SAMD12: variants seen among roughly 807,000 people sequenced by gnomAD.
The protein encoded by SAMD12 is sterile alpha motif domain containing 12.
Under a neutral mutation model 15.0 loss-of-function variants are expected in SAMD12, and 9 were observed. The observed-to-expected ratio is 0.60, with a 90% CI of 0.36 to 1.05. The LOEUF (loss-of-function observed/expected upper bound fraction) is 1.05, where lower values mean the gene tolerates loss of function less well. SAMD12 is among the 50% of genes least tolerant of loss of function. The pLI, the probability that SAMD12 is intolerant of heterozygous loss-of-function variation, is 0.01. For missense variants in SAMD12, 230 were observed against 234.2 expected, an observed-to-expected ratio of 0.98 and a Z score of 0.12; for synonymous variants, 86 against 90.1, an observed-to-expected ratio of 0.96 and a Z score of 0.25.
At chr8:118,484,150 T>C (rs112152608) in intron 2 of SAMD12, among the ~76,000 whole-genome samples, 9 of 152,272 alleles carry the variant, frequency 5.9e-5, no homozygotes, top group African/African-American at 1.9e-4. Context: ...GAGACATCAA[T>C]GAAGTCAATT....
At chr8:118,208,047 C>CG (rs1819914854) in intron 4 of SAMD12, among the ~76,000 whole-genome samples, 1 of 151,740 alleles carries the variant, frequency 6.6e-6, no homozygotes, top group South Asian at 2.1e-4. Flanking sequence ...CACCTGAGGT[C>CG]GGGAGTTCGA....
At chr8:118,442,544 T>G (rs1822794370) in intron 2 of SAMD12, among the ~76,000 whole-genome samples, 1 of 152,236 alleles carries the variant, frequency 6.6e-6, no homozygotes, top group Admixed American at 6.5e-5. Flanking sequence ...ATAAATGTTT[T>G]TATTGTTGAT....
intron 2 of SAMD12, among the ~76,000 whole-genome samples, chr8:118,537,175 T>G (rs1173333483): frequency 6.6e-6 from 1 of 152,188 alleles, no homozygotes; most frequent in South Asian, 2.1e-4. Flanking sequence ...TTTATATTAT[T>G]TGTTTCTTTT....
At chr8:118,305,144 CAAAAAAAAAAA>C (rs56200866) in intron 4 of SAMD12, among the ~76,000 whole-genome samples, 3 of 48,886 alleles carry the variant, frequency 6.1e-5, no homozygotes, top group African/African-American at 1.6e-4. Context: ...GACTCCCTGT[CAAAAAAAAAAA>C]AAAAAAAAAA....
the SAMD12 span, among the ~76,000 whole-genome samples, chr8:118,176,055 G>T: frequency 1.3e-5 from 2 of 152,110 alleles, no homozygotes; most frequent in South Asian, 4.1e-4. Context: ...CAATCCCAGC[G>T]CTTTGGGAGG....
rs1188208357 is a variant in SAMD12 at position 118,464,360 on chromosome 8, G to A, written c.193-24399C>T. On this transcript the variant is annotated intron_variant, in intron 2 of 3. Transcript: ENST00000314727. ...AGTGACTCTATTTCCACTCGCCCAC[G>A]ACAGTTGGACCAGAACCACCAGAGA... Among the ~76,000 whole-genome samples the A allele has an allele frequency of 3.3e-5, 5 of 152,118 alleles. 1 individual carries two copies. The highest frequency in any genetic ancestry group is 4.2e-4 in the South Asian group (2 of 4,816).
intron 4 of SAMD12, among the ~76,000 whole-genome samples, chr8:118,233,665 C>T (rs1586368721): frequency 1.3e-5 from 2 of 152,132 alleles, no homozygotes; most frequent in East Asian, 3.9e-4. Context: ...GCCTTCTCTT[C>T]CTTTCCCTAA....
At chr8:118,363,820 TTTTC>T (rs1356537977) in intron 4 of SAMD12, among the ~76,000 whole-genome samples, 1 of 152,232 alleles carries the variant, frequency 6.6e-6, no homozygotes, top group African/African-American at 2.4e-5. Context: ...TTGGGCCTCC[TTTTC>T]TTTATTTGTA....
intron 2 of SAMD12, among the ~76,000 whole-genome samples, chr8:118,463,039 T>C (rs1277417174): frequency 7.2e-6 from 1 of 139,834 alleles, no homozygotes; most frequent in African/African-American, 2.7e-5. Context: ...AGGCGGAGCT[T>C]GCAGTGAGTC....
At chr8:118,425,153 T>C (rs535006953) in intron 3 of SAMD12, among the ~76,000 whole-genome samples, 3 of 152,200 alleles carry the variant, frequency 2.0e-5, no homozygotes, top group Non-Finnish European at 2.9e-5. Flanking sequence ...TTAGCCAGGA[T>C]GGTCTCAATT....
chr8:118,535,135 G>A (rs1257414328), intron 2 of SAMD12, among the ~76,000 whole-genome samples: 2 of 152,148 alleles, frequency 1.3e-5, no homozygotes, highest in Non-Finnish European at 2.9e-5. Flanking sequence ...TGGTGTGGAT[G>A]TCCTTTCTGT....
At chr8:118,310,874 G>C (rs1815593613) in intron 4 of SAMD12, among the ~76,000 whole-genome samples, 1 of 152,136 alleles carries the variant, frequency 6.6e-6, no homozygotes, top group Non-Finnish European at 1.5e-5. Flanking sequence ...ATTCCTACCA[G>C]ATAGATAGTT....
intron 4 of SAMD12, among the ~76,000 whole-genome samples, chr8:118,256,671 A>G (rs1221846603): frequency 6.6e-6 from 1 of 151,964 alleles, no homozygotes; most frequent in Non-Finnish European, 1.5e-5. Flanking sequence ...AGAGTATAAA[A>G]AACTCTCTTA....
chr8:118,300,032 CT>C (rs66517737), intron 4 of SAMD12, among the ~76,000 whole-genome samples: 5 of 151,692 alleles, frequency 3.3e-5, no homozygotes, highest in African/African-American at 4.8e-5. Flanking sequence ...TTTTTCTTTA[CT>C]TTTTTTTAAT....
intron 4 of SAMD12, among the ~76,000 whole-genome samples, chr8:118,329,275 G>T (rs532626406): frequency 5.3e-5 from 8 of 151,962 alleles, no homozygotes; most frequent in South Asian, 2.1e-4. Flanking sequence ...GGCCAGCCTT[G>T]GCAAATTTTT....
At chr8:118,294,285 G>T (rs1441721611) in intron 4 of SAMD12, among the ~76,000 whole-genome samples, 1 of 152,218 alleles carries the variant, frequency 6.6e-6, no homozygotes, top group Non-Finnish European at 1.5e-5. Flanking sequence ...AAGCACTGGA[G>T]CCTGACTGTA....
chr8:118,177,979 C>G, the SAMD12 span, among the ~76,000 whole-genome samples: 728 of 152,258 alleles, frequency 4.8e-3, 8 homozygotes, highest in African/African-American at 0.017. Context: ...ACCACTGTTC[C>G]TATGCTGAAT....
At chr8:118,502,422 TC>T (rs1431370382) in intron 2 of SAMD12, among the ~76,000 whole-genome samples, 1 of 152,172 alleles carries the variant, frequency 6.6e-6, no homozygotes, top group Non-Finnish European at 1.5e-5. Flanking sequence ...CTGATGAATG[TC>T]CTAATTCACA....
intron 4 of SAMD12, among the ~76,000 whole-genome samples, chr8:118,305,175 A>G (rs13257501): frequency 7.2e-5 from 8 of 111,080 alleles, no homozygotes; most frequent in African/African-American, 3.2e-4. Context: ...AAAAAAAAAA[A>G]GTCCAGTTCA....
Sources: allele counts gnomAD v4.1 joint callset (sites outside exome capture counted in the v4.1 genomes callset), GRCh38; gene constraint gnomAD v4.1.1; transcripts MANE v1.5; gene names NCBI Gene and HGNC (gene_info 2026-07-23, HGNC 2026-07-21).